The following TSHZ3 variants were observed in gnomAD, a reference collection of about 807,000 sequenced individuals.
The protein encoded by TSHZ3 is teashirt zinc finger homeobox 3, also known as teashirt homolog 3.
Under a neutral mutation model 64.5 loss-of-function variants are expected in TSHZ3, and 10 were observed. The ratio of observed to expected loss-of-function variants is 0.16; its 90% CI spans 0.10 to 0.26. The LOEUF (loss-of-function observed/expected upper bound fraction) is 0.26, where lower values mean the gene tolerates loss of function less well. Among genes scored for constraint, TSHZ3 ranks in the 10% least tolerant of loss-of-function variants. TSHZ3 has a pLI of 1.00. For missense variants in TSHZ3, 1,242 were observed against 1,421.7 expected (o/e 0.87, Z 2.03); for synonymous variants, 608 against 593.1 (o/e 1.03, Z -0.36).
At chr19:31,246,686 G>A (rs1331743882) in intron 1 of TSHZ3, among the ~76,000 whole-genome samples, 1 of 152,122 alleles carries the variant, frequency 6.6e-6, no homozygotes, top group African/African-American at 2.4e-5. Flanking sequence ...ATATGCATAC[G>A]CACAGAGGAC....
chr19:31,232,126 A>C (rs1975548672), intron 3 of TSHZ3, among the ~76,000 whole-genome samples: 1 of 152,124 alleles, frequency 6.6e-6, no homozygotes, highest in East Asian at 1.9e-4. Flanking sequence ...AGAGCCAGCT[A>C]ACCCTGGGGG....
chr19:31,344,414 T>C (rs750913629), intron 1 of TSHZ3, among the ~76,000 whole-genome samples: 5 of 152,256 alleles, frequency 3.3e-5, no homozygotes, highest in Non-Finnish European at 7.3e-5. Flanking sequence ...TTTTACGACA[T>C]GACCAAAGCT....
chr19:31,305,222 G>GCAATTTCAT (rs535058146), intron 1 of TSHZ3, among the ~76,000 whole-genome samples: 1 of 151,110 alleles, frequency 6.6e-6, no homozygotes, highest in Non-Finnish European at 1.5e-5. Flanking sequence ...TGACTATTAG[G>GCAATTTCAT]CAATTTCATG....
chr19:31,277,449 A>T lies in TSHZ3; in HGVS notation c.2344T>A (p.Tyr782Asn). 6.2e-7 allele frequency: 1 copy of T among 1,613,896 alleles called. No individual in the cohort carries two copies. The highest frequency in any genetic ancestry group is 1.7e-5 in the Admixed American group (1 of 60,008). ...ATGGGCTGGTCGTTGTTGACGTGGT[A>T]GAAATAGCGGTCGAGGTGGTCTGCC... ...KKADHLDRYFYHVNNDQPIDL... is the reference protein window; with the variant it reads ...KKADHLDRYFNHVNNDQPIDL... Residue 782 changes from tyrosine (Y) to asparagine (N), a missense_variant, in exon 2 of 2, where the codon TAC (tyrosine) becomes AAC (asparagine). Tyr to Asn is a moderately radical substitution (Grantham distance 143, BLOSUM62 -2). This residue lies in a region of TSHZ3 where 550 missense variants were observed against 545.1 expected (regional missense o/e 1.01). Transcript: ENST00000240587. The surrounding 1 kb of genome is among the most constrained non-coding windows in gnomAD (Gnocchi z 4.5).
chr19:31,181,013 C>T (rs1974704892), intron 5 of TSHZ3, among the ~76,000 whole-genome samples: 1 of 152,158 alleles, frequency 6.6e-6, no homozygotes, highest in Non-Finnish European at 1.5e-5. Flanking sequence ...TGGTGGAGGA[C>T]TAAGTTGAAT....
chr19:31,177,407 T>C (rs767331842), intron 5 of TSHZ3, among the ~76,000 whole-genome samples: 1 of 152,164 alleles, frequency 6.6e-6, no homozygotes, highest in Non-Finnish European at 1.5e-5. Context: ...GGAATCTCCA[T>C]GTAATCTCCA....
chr19:31,338,174 G>A (rs1917311543), intron 1 of TSHZ3, among the ~76,000 whole-genome samples: 1 of 152,224 alleles, frequency 6.6e-6, no homozygotes, highest in Admixed American at 6.5e-5. Context: ...AGGTGGAAAG[G>A]CCAGAGCTTC....
chr19:31,251,160 T>C (rs1461756531), intron 1 of TSHZ3, among the ~76,000 whole-genome samples: 3 of 152,166 alleles, frequency 2.0e-5, no homozygotes, highest in African/African-American at 7.2e-5. Flanking sequence ...TGCTCAGGCC[T>C]GAGCAGTAGG....
At chr19:31,202,651 T>C (rs371047870) in intron 5 of TSHZ3, among the ~76,000 whole-genome samples, 2 of 152,294 alleles carry the variant, frequency 1.3e-5, no homozygotes, top group African/African-American at 4.8e-5. Context: ...TGAACACACA[T>C]GAAATTTTCC....
intron 1 of TSHZ3, among the ~76,000 whole-genome samples, chr19:31,282,550 C>T (rs963788232): frequency 1.3e-4 from 20 of 152,242 alleles, no homozygotes; most frequent in African/African-American, 4.1e-4. Context: ...TGGCCAGAGC[C>T]TTCCCCACCC....
intron 1 of TSHZ3, among the ~76,000 whole-genome samples, chr19:31,343,605 A>G (rs922793768): frequency 6.6e-6 from 1 of 151,620 alleles, no homozygotes; most frequent in Non-Finnish European, 1.5e-5. Flanking sequence ...TCATAAGAAG[A>G]TTATGTTCTA....
At position 31,238,255 on chromosome 19, in the gene TSHZ3, A is replaced by ATT. The variant is rs372232422; in HGVS notation, n.550+4012_550+4013dup. 2.6e-3 allele frequency among the ~76,000 whole-genome samples: 348 copies of ATT among 134,558 alleles called. 4 individuals are homozygous for ATT. The highest frequency in any genetic ancestry group is 8.6e-3 in the African/African-American group (313 of 36,350). 88.3% of individuals were successfully genotyped at this position (134,558 alleles called of 152,430 possible). ...ATTTCTGTTAATGTTTCCTTCGTGA[A>ATT]TTTTTTTTTTTTTTTTTTGAGACAG... On this transcript the variant is annotated intron_variant and non_coding_transcript_variant, in intron 3 of 6. Transcript: ENST00000651361.
intron 5 of TSHZ3, among the ~76,000 whole-genome samples, chr19:31,197,163 A>C (rs1465841995): frequency 6.6e-6 from 1 of 152,002 alleles, no homozygotes; most frequent in Non-Finnish European, 1.5e-5. Context: ...GATAGGTGGA[A>C]AGCCCCCAAA....
chr19:31,202,850 AT>A (rs1247297796), intron 5 of TSHZ3, among the ~76,000 whole-genome samples: 1 of 152,194 alleles, frequency 6.6e-6, no homozygotes, highest in Non-Finnish European at 1.5e-5. Flanking sequence ...ACATTCAGTA[AT>A]TCATTTGTTC....
chr19:31,309,894 G>A (rs768697720), intron 1 of TSHZ3, among the ~76,000 whole-genome samples: 3 of 151,994 alleles, frequency 2.0e-5, no homozygotes, highest in Non-Finnish European at 4.4e-5. Flanking sequence ...ACGTGCATCT[G>A]AGTCTCATCC....
At chr19:31,170,379 C>T (rs944544156) in intron 5 of TSHZ3, among the ~76,000 whole-genome samples, 2 of 152,190 alleles carry the variant, frequency 1.3e-5, no homozygotes, top group Non-Finnish European at 2.9e-5. Flanking sequence ...CTTATCTAAA[C>T]CTAATCGCCT....
chr19:31,338,581 CT>C (rs34643581), intron 1 of TSHZ3, among the ~76,000 whole-genome samples: 3,029 of 119,040 alleles, frequency 0.025, 24 homozygotes, highest in Middle Eastern at 0.11. Context: ...TTTTTTTTTT[CT>C]TTTTTTTTTT....
chr19:31,247,870 G>GTA (rs1555729705), intron 1 of TSHZ3, among the ~76,000 whole-genome samples: 13 of 148,976 alleles, frequency 8.7e-5, no homozygotes, highest in Middle Eastern at 3.4e-3. Context: ...GTGTGTGTGT[G>GTA]TGTATGTATG....
chr19:31,218,526 T>C (rs910962501), intron 4 of TSHZ3, among the ~76,000 whole-genome samples: 1 of 152,206 alleles, frequency 6.6e-6, no homozygotes, highest in African/African-American at 2.4e-5. Context: ...ACTCTTACCA[T>C]GCCATCCTGC....
Sources: gnomAD v4.1 joint callset for allele counts (sites outside exome capture counted in the v4.1 genomes callset) on GRCh38, gnomAD v4.1.1 for gene constraint, gnomAD v4.1.1 regional missense constraint, Gnocchi (gnomAD v3.1) non-coding constraint, MANE v1.5 for transcripts, NCBI Gene and HGNC (gene_info 2026-07-23, HGNC 2026-07-21) for gene names.